The following TMOD1 variants were observed in gnomAD, a reference collection of about 807,000 sequenced individuals.
The protein encoded by TMOD1 is tropomodulin 1.
Under a neutral mutation model 40.6 loss-of-function variants are expected in TMOD1, and 17 were observed. The observed-to-expected ratio is 0.42, with a 90% CI of 0.29 to 0.63. TMOD1 has a LOEUF of 0.63. TMOD1 is among the 20% of genes least tolerant of loss of function. TMOD1 has a pLI of 0.22. For synonymous variants in TMOD1, 181 were observed against 175.0 expected (o/e 1.03, Z -0.27); for missense variants, 391 against 447.6 (o/e 0.87, Z 1.14).
chr9:97,501,783 GC>G lies in TMOD1; in HGVS notation c.-65del, dbSNP rs1829505314. On this transcript the variant is annotated 5_prime_UTR_variant, in exon 1 of 10. Coordinates refer to ENST00000259365, the MANE Select transcript of TMOD1 (RefSeq NM_003275.4). ...TGTTCCGCAGCCCGCGTCCGCGCCG[GC>G]CCCACAGCTCTGCGTCCGGGTAAGC... The G allele has an allele frequency of 6.5e-6, 1 of 152,684 alleles. No homozygotes were observed. Among genetic ancestry groups the G allele is most frequent in the Non-Finnish European group, 1.5e-5 (1 of 68,180 alleles). 9.5% of individuals were successfully genotyped at this position (152,684 alleles called of 1,614,324 possible). A position where few individuals can be genotyped will look rare whatever the true frequency, so the allele number is the denominator to read the frequency against.
intron 1 of TMOD1, among the ~76,000 whole-genome samples, chr9:97,519,020 C>T (rs928374983): frequency 1.3e-5 from 2 of 152,230 alleles, no homozygotes; most frequent in Non-Finnish European, 2.9e-5. Flanking sequence ...TTTATTTGAA[C>T]TTGTGACTCA....
intron 1 of TMOD1, among the ~76,000 whole-genome samples, chr9:97,510,157 G>A (rs1024492647): frequency 1.3e-5 from 2 of 152,064 alleles, no homozygotes; most frequent in African/African-American, 4.8e-5. Context: ...CACCTGCTAT[G>A]AGGCTATGTG....
chr9:97,581,706 A>G (rs978554100), intron 8 of TMOD1, among the ~76,000 whole-genome samples: 22 of 151,758 alleles, frequency 1.4e-4, no homozygotes, highest in Non-Finnish European at 2.6e-4. Flanking sequence ...GTGAGATGGT[A>G]TCTCATTGTG....
chr9:97,526,173 G>C (rs571237837), intron 2 of TMOD1, among the ~76,000 whole-genome samples: 1 of 152,354 alleles, frequency 6.6e-6, no homozygotes, highest in East Asian at 1.9e-4. Context: ...GCAGCTTCAG[G>C]ATGGTGGAGA....
chr9:97,599,609 A>C (rs766451041), intron 9 of TMOD1, 25 bp from the exon 10 acceptor site: 17 of 1,614,054 alleles, frequency 1.1e-5, no homozygotes, highest in Non-Finnish European at 1.4e-5. Flanking sequence ...AAAGTGCCTT[A>C]TATCTTATCT....
At position 97,509,501 on chromosome 9, in the gene TMOD1, T is replaced by TG. The variant is rs1188220104; in HGVS notation, c.-49+7698_-49+7699insG. Among the ~76,000 whole-genome samples the TG allele has an allele frequency of 2.3e-5, 3 of 132,596 alleles. No individual in the cohort carries two copies. In the East Asian group the frequency reaches 7.8e-4, roughly 35 times the overall value. The allele number at this position is 132,596 out of a possible 152,430, so 87.0% of individuals were successfully genotyped here. A position where few individuals can be genotyped will look rare whatever the true frequency, so the allele number is the denominator to read the frequency against. ...TTGGGTTTTTCTTCGCTAATAGAGG[T>TG]TTTTTTTTTTGTTTTTTGTTTTTTT... On this transcript the variant is annotated intron_variant, in intron 1 of 9. Transcript: ENST00000259365.
chr9:97,576,759 G>A (rs1250134605), intron 8 of TMOD1, among the ~76,000 whole-genome samples: 5 of 151,796 alleles, frequency 3.3e-5, no homozygotes, highest in African/African-American at 1.2e-4. Flanking sequence ...TCAGCCTCCC[G>A]AGTAGCTGGG....
chr9:97,584,510 A>G (rs1825825704), intron 8 of TMOD1, among the ~76,000 whole-genome samples: 1 of 152,004 alleles, frequency 6.6e-6, no homozygotes, highest in African/African-American at 2.4e-5. Context: ...GTAGATGTCT[A>G]TTAGGTCCGC....
chr9:97,591,392 C>T lies in TMOD1; in HGVS notation c.972C>T (p.Pro324=). 2 of 1,614,190 alleles carry T rather than the reference C, an allele frequency of 1.2e-6. No individual in the cohort carries two copies. Among genetic ancestry groups the T allele is most frequent in the African/African-American group, 1.3e-5 (1 of 75,028 alleles). ...GCTACCACTTTACCCAGCAAGGACC[C>T]CGGCTTCGGGCATCCAACGCAATGA... ...KFGYHFTQQG[P]RLRASNAMMN... Residue 324 remains proline, a synonymous_variant, in exon 9 of 10, where the codon CCC becomes CCT. Transcript: ENST00000259365.
intron 3 of TMOD1, among the ~76,000 whole-genome samples, chr9:97,551,024 T>A (rs1376933865): frequency 0.2 from 3,792 of 18,910 alleles, 60 homozygotes; most frequent in Middle Eastern, 0.31. Flanking sequence ...ATTTTTTTTT[T>A]TTTTTTTTTT....
intron 6 of TMOD1, among the ~76,000 whole-genome samples, chr9:97,565,490 C>T (rs1830712907): frequency 6.6e-6 from 1 of 152,122 alleles, no homozygotes; most frequent in Admixed American, 6.5e-5. Context: ...CCTAGCAAGT[C>T]AGGAACATTG....
At chr9:97,584,540 AAT>A (rs1473215092) in intron 8 of TMOD1, among the ~76,000 whole-genome samples, 1 of 152,062 alleles carries the variant, frequency 6.6e-6, no homozygotes, top group Non-Finnish European at 1.5e-5. Flanking sequence ...AGCTGAGTTC[AAT>A]TCCTGGGTAT....
At chr9:97,534,219 G>A (rs1050403378) in intron 2 of TMOD1, among the ~76,000 whole-genome samples, 1 of 152,190 alleles carries the variant, frequency 6.6e-6, no homozygotes, top group African/African-American at 2.4e-5. Flanking sequence ...ACTAAAAAGT[G>A]GAGGCTTTCT....
chr9:97,573,644 T>G (rs1324520217), intron 8 of TMOD1, among the ~76,000 whole-genome samples: 1 of 152,176 alleles, frequency 6.6e-6, no homozygotes, highest in Non-Finnish European at 1.5e-5. Flanking sequence ...GAGTGCATGA[T>G]CTGAGGTGGA....
chr9:97,561,268 C>T (rs1012794616), intron 4 of TMOD1, among the ~76,000 whole-genome samples: 7 of 152,206 alleles, frequency 4.6e-5, no homozygotes, highest in African/African-American at 1.7e-4. Flanking sequence ...CACCCGAACT[C>T]CTTACTCAGC....
At chr9:97,592,006 C>T (rs957970174) in intron 9 of TMOD1, among the ~76,000 whole-genome samples, 2 of 151,688 alleles carry the variant, frequency 1.3e-5, no homozygotes, top group Non-Finnish European at 2.9e-5. Context: ...ATGAAGGAGA[C>T]ATTATCAGGA....
chr9:97,501,450 C>T (rs2131198132), upstream of TMOD1, among the ~76,000 whole-genome samples: 1 of 152,220 alleles, frequency 6.6e-6, no homozygotes, highest in South Asian at 2.1e-4. Flanking sequence ...CAGGCAGGGG[C>T]CCGCGCTCGC....
chr9:97,575,781 T>C (rs1368972341), intron 8 of TMOD1, among the ~76,000 whole-genome samples: 1 of 152,130 alleles, frequency 6.6e-6, no homozygotes, highest in African/African-American at 2.4e-5. Context: ...AAGGTGTTGG[T>C]TGGTAATTTT....
In TMOD1 at chr9:97,550,105, T is replaced by C. The variant is rs1011167485; in HGVS notation, c.278-3176T>C. Among the ~76,000 whole-genome samples the C allele has an allele frequency of 2.6e-5, 4 of 152,250 alleles. No individual in the cohort carries two copies. In the East Asian group the frequency reaches 7.7e-4, roughly 29 times the overall value. ...CAATCTGTATCTATGGATTTACTTA[T>C]TTTGTATACTTTCTACAAATGAAAT... On this transcript the variant is annotated intron_variant, in intron 3 of 9. Coordinates refer to ENST00000259365, the MANE Select transcript of TMOD1 (RefSeq NM_003275.4).
Sources: allele counts gnomAD v4.1 joint callset (sites outside exome capture counted in the v4.1 genomes callset), GRCh38; gene constraint gnomAD v4.1.1; transcripts MANE v1.5; gene names NCBI Gene and HGNC (gene_info 2026-07-23, HGNC 2026-07-21).